CNTNAP5: variants seen among roughly 807,000 people sequenced by gnomAD.
CNTNAP5 encodes contactin associated protein family member 5.
CNTNAP5 carries 72 observed loss-of-function variants against 150.2 expected under a neutral mutation model. That is an observed-to-expected ratio of 0.48 (90% CI 0.40 to 0.58). The LOEUF is 0.58. Ranked by LOEUF, CNTNAP5 falls within the 20% of genes least tolerant of loss-of-function variation. The pLI, the probability that CNTNAP5 is intolerant of heterozygous loss-of-function variation, is 0.00. For synonymous variants in CNTNAP5, 672 were observed against 619.8 expected (o/e 1.08, Z -1.25); for missense variants, 1,636 against 1,626.2 (o/e 1.01, Z -0.10).
At position 124,379,811 on chromosome 2, in the gene CNTNAP5, C is replaced by T. The variant is rs573717633; in HGVS notation, c.382-37632C>T. On this transcript the variant is annotated intron_variant, in intron 3 of 23. Transcript: ENST00000682447. ...AGAGGAGTCAGTGATGAAATTGTTG[C>T]GCAGAGGTGTAGATGGTAGCATAAC... Among the ~76,000 whole-genome samples, 10 of 152,138 alleles carry T rather than the reference C, an allele frequency of 6.6e-5. No individual in the cohort carries two copies. The East Asian group carries it at 9.7e-4, about 15-fold the overall frequency.
chr2:124,837,750 A>G (rs1682860220), intron 19 of CNTNAP5, among the ~76,000 whole-genome samples: 10 of 152,170 alleles, frequency 6.6e-5, no homozygotes, highest in Admixed American at 3.3e-4. Flanking sequence ...CATCCATTTC[A>G]GAATTTCCCC....
chr2:124,461,782 A>G (rs1164337427), intron 6 of CNTNAP5, among the ~76,000 whole-genome samples: 1 of 150,764 alleles, frequency 6.6e-6, no homozygotes, highest in African/African-American at 2.4e-5. Flanking sequence ...GCTGGAAACC[A>G]CCCAGGAGGT....
chr2:124,758,037 G>A (rs1175635577), intron 14 of CNTNAP5, among the ~76,000 whole-genome samples: 1 of 152,130 alleles, frequency 6.6e-6, no homozygotes, highest in Non-Finnish European at 1.5e-5. Flanking sequence ...AAGAATGATA[G>A]GAATTAAGAG....
intron 12 of CNTNAP5, among the ~76,000 whole-genome samples, chr2:124,623,091 G>A (rs1294965151): frequency 6.6e-6 from 1 of 152,108 alleles, no homozygotes; most frequent in Non-Finnish European, 1.5e-5. Flanking sequence ...GGCATGGGTG[G>A]CAACACTTCC....
At chr2:124,221,893 A>G (rs1686330449) in intron 2 of CNTNAP5, 84 bp downstream of exon 2, 2 of 836,102 alleles carry the variant, frequency 2.4e-6, no homozygotes, top group Non-Finnish European at 3.9e-6. Context: ...ACTCTCAGAC[A>G]CTGAAATCAT....
intron 11 of CNTNAP5, among the ~76,000 whole-genome samples, chr2:124,582,652 C>T (rs921381798): frequency 6.6e-6 from 1 of 151,980 alleles, no homozygotes; most frequent in Non-Finnish European, 1.5e-5. Flanking sequence ...TGGGGCAGAC[C>T]AAGTTTCAAA....
chr2:124,603,296 T>C (rs1022027406), intron 11 of CNTNAP5, among the ~76,000 whole-genome samples: 5 of 152,056 alleles, frequency 3.3e-5, no homozygotes, highest in African/African-American at 1.2e-4. Flanking sequence ...GTTTAGATCT[T>C]GGGGCTCGAA....
intron 10 of CNTNAP5, among the ~76,000 whole-genome samples, chr2:124,545,238 T>A (rs1695485257): frequency 6.6e-6 from 1 of 152,156 alleles, no homozygotes; most frequent in Non-Finnish European, 1.5e-5. Flanking sequence ...TACTATATGT[T>A]GAAGTTATTG....
At chr2:124,643,036 C>T (rs987818685) in intron 12 of CNTNAP5, among the ~76,000 whole-genome samples, 3 of 152,204 alleles carry the variant, frequency 2.0e-5, no homozygotes, top group African/African-American at 7.2e-5. Flanking sequence ...ATCATGAGAT[C>T]ATTGACACTC....
intron 21 of CNTNAP5, among the ~76,000 whole-genome samples, chr2:124,901,293 T>G (rs1678408725): frequency 6.6e-6 from 1 of 151,468 alleles, no homozygotes; most frequent in Non-Finnish European, 1.5e-5. Context: ...AAAGAGGAAG[T>G]AAAGTTGCAA....
intron 3 of CNTNAP5, among the ~76,000 whole-genome samples, chr2:124,397,198 G>C (rs1691273050): frequency 6.6e-6 from 1 of 152,292 alleles, no homozygotes; most frequent in Non-Finnish European, 1.5e-5. Flanking sequence ...GGTGCAGGTT[G>C]ACAATTCTAG....
At chr2:124,224,007 C>T (rs1048481137) in intron 2 of CNTNAP5, among the ~76,000 whole-genome samples, 5 of 152,000 alleles carry the variant, frequency 3.3e-5, no homozygotes, top group South Asian at 2.1e-4. Flanking sequence ...CAGGGAGATA[C>T]GGTATCAGTG....
chr2:124,836,302 T>G (rs769582668), intron 19 of CNTNAP5, among the ~76,000 whole-genome samples: 42 of 152,132 alleles, frequency 2.8e-4, no homozygotes, highest in Non-Finnish European at 5.4e-4. Flanking sequence ...ATTAGTAGTA[T>G]TAGTCAGAAG....
At chr2:124,682,884 A>C (rs548910436) in intron 13 of CNTNAP5, among the ~76,000 whole-genome samples, 51 of 152,330 alleles carry the variant, frequency 3.3e-4, no homozygotes, top group African/African-American at 1.1e-3. Context: ...ATAGGATACA[A>C]GCAATCTAGG....
chr2:124,706,249 A>C (rs1338174451), intron 13 of CNTNAP5, among the ~76,000 whole-genome samples: 1 of 152,210 alleles, frequency 6.6e-6, no homozygotes, highest in Non-Finnish European at 1.5e-5. Context: ...GAAAAGAAAA[A>C]AAAAGACAGA....
At chr2:124,198,482 G>A (rs1685644115) in intron 1 of CNTNAP5, among the ~76,000 whole-genome samples, 1 of 151,732 alleles carries the variant, frequency 6.6e-6, no homozygotes, top group Non-Finnish European at 1.5e-5. Flanking sequence ...ACTGCGTGAT[G>A]CTGAGGTTTA....
At chr2:124,882,843 C>T (rs932472772) in intron 21 of CNTNAP5, among the ~76,000 whole-genome samples, 10 of 151,976 alleles carry the variant, frequency 6.6e-5, no homozygotes, top group Non-Finnish European at 8.8e-5. Flanking sequence ...AGCAAAGGCA[C>T]ATCTTACATG....
At chr2:124,524,569 C>T (rs1002225255) in intron 9 of CNTNAP5, 117 bp downstream of exon 9, 7 of 836,206 alleles carry the variant, frequency 8.4e-6, no homozygotes, top group Non-Finnish European at 1.3e-5. Flanking sequence ...AACACACAAA[C>T]ACACACACAC....
intron 1 of CNTNAP5, among the ~76,000 whole-genome samples, chr2:124,220,180 G>C (rs892310193): frequency 4.0e-5 from 6 of 151,520 alleles, no homozygotes; most frequent in Non-Finnish European, 7.4e-5. Flanking sequence ...TTCTTCCTGA[G>C]AGCCTTTACT....
Sources: allele counts gnomAD v4.1 joint callset (sites outside exome capture counted in the v4.1 genomes callset), GRCh38; gene constraint gnomAD v4.1.1; transcripts MANE v1.5; gene names NCBI Gene and HGNC (gene_info 2026-07-23, HGNC 2026-07-21).